The following LRRC69 variants were observed in gnomAD, a reference collection of about 807,000 sequenced individuals.
The protein encoded by LRRC69 is leucine-rich repeat-containing protein 69.
In LRRC69, 42 loss-of-function variants were observed where a neutral mutation model predicts 37.8. The ratio of observed to expected loss-of-function variants is 1.11; its 90% CI spans 0.87 to 1.44. LRRC69 has a LOEUF of 1.44. Ranked by LOEUF, LRRC69 falls within the 40% of genes most tolerant of loss-of-function variation. The pLI, the probability that LRRC69 is intolerant of heterozygous loss-of-function variation, is 0.00. For missense variants in LRRC69, 357 were observed against 401.9 expected (o/e 0.89, Z 0.96); for synonymous variants, 141 against 143.1 (o/e 0.99, Z 0.11).
At chr8:91,200,827 T>A in intron 7 of LRRC69, 35 bp downstream of exon 7, 1 of 1,468,170 alleles carries the variant, frequency 6.8e-7, no homozygotes, top group Non-Finnish European at 9.1e-7. Flanking sequence ...ATGAGCATAA[T>A]ACTGATTCCT....
intron 5 of LRRC69, 103 bp from the exon 6 acceptor site, chr8:91,189,419 A>G: frequency 1.3e-6 from 1 of 776,754 alleles, no homozygotes. Context: ...GTGGATTTTT[A>G]GTCCTAAATA....
At chr8:91,119,398 C>T (rs1190662652) in intron 1 of LRRC69, among the ~76,000 whole-genome samples, 1 of 152,012 alleles carries the variant, frequency 6.6e-6, no homozygotes, top group Non-Finnish European at 1.5e-5. Context: ...GAAGAATATT[C>T]CCAGTCGCAC....
intron 6 of LRRC69, among the ~76,000 whole-genome samples, chr8:91,198,720 C>G (rs577833314): frequency 9.9e-5 from 15 of 151,974 alleles, no homozygotes; most frequent in Non-Finnish European, 5.9e-5. Flanking sequence ...CCACTTTGGT[C>G]TATAAAAGAT....
chr8:91,167,970 G>C (rs916639197), intron 5 of LRRC69, among the ~76,000 whole-genome samples: 2 of 151,846 alleles, frequency 1.3e-5, no homozygotes, highest in Non-Finnish European at 2.9e-5. Context: ...ATTAATATAT[G>C]TATTCGATAT....
intron 5 of LRRC69, among the ~76,000 whole-genome samples, chr8:91,161,067 C>T (rs894015054): frequency 1.3e-5 from 2 of 151,216 alleles, no homozygotes; most frequent in Non-Finnish European, 3.0e-5. Flanking sequence ...GATTTCTACC[C>T]TTCATTCTGT....
chr8:91,196,970 G>GT (rs1164251209), intron 6 of LRRC69, among the ~76,000 whole-genome samples: 2 of 151,740 alleles, frequency 1.3e-5, no homozygotes, highest in Non-Finnish European at 2.9e-5. Flanking sequence ...CATCTTTGTG[G>GT]TTTTATCTAC....
At chr8:91,164,298 G>C (rs1284435017) in intron 5 of LRRC69, among the ~76,000 whole-genome samples, 4 of 151,602 alleles carry the variant, frequency 2.6e-5, no homozygotes, top group African/African-American at 9.7e-5. Context: ...TAACTTCTCT[G>C]TCAAGAAGAC....
intron 5 of LRRC69, among the ~76,000 whole-genome samples, chr8:91,152,817 G>A (rs35913126): frequency 0.052 from 7,906 of 150,780 alleles, 299 homozygotes; most frequent in Middle Eastern, 0.16. Context: ...GCAGTGGTTT[G>A]TGAGTGTACA....
At chr8:91,200,131 G>A (rs1248179101) in intron 6 of LRRC69, among the ~76,000 whole-genome samples, 2 of 152,164 alleles carry the variant, frequency 1.3e-5, no homozygotes, top group African/African-American at 4.8e-5. Flanking sequence ...TTTTGATTCA[G>A]TAGGTCTGGA....
At chr8:91,200,889 A>T (rs866064733) in intron 7 of LRRC69, 97 bp downstream of exon 7, 12 of 1,181,380 alleles carry the variant, frequency 1.0e-5, no homozygotes, top group Middle Eastern at 1.9e-4. Context: ...TGTACCTATG[A>T]TTGGCTTATA....
chr8:91,173,178 G>T (rs1158173867), intron 5 of LRRC69, among the ~76,000 whole-genome samples: 1 of 151,904 alleles, frequency 6.6e-6, no homozygotes, highest in Admixed American at 6.6e-5. Flanking sequence ...GGGTAGAGTA[G>T]GTAGTCTAGT....
At chr8:91,210,465 G>A (rs1278430373) in intron 7 of LRRC69, among the ~76,000 whole-genome samples, 1 of 151,906 alleles carries the variant, frequency 6.6e-6, no homozygotes, top group Non-Finnish European at 1.5e-5. Flanking sequence ...CTTTCCTTCT[G>A]TTGACTTGCA....
chr8:91,137,107 T>C (rs553868233), intron 5 of LRRC69, among the ~76,000 whole-genome samples: 2 of 152,202 alleles, frequency 1.3e-5, no homozygotes, highest in African/African-American at 4.8e-5. Flanking sequence ...ATTCTATGTT[T>C]AATTTTTTAA....
intron 6 of LRRC69, among the ~76,000 whole-genome samples, chr8:91,198,779 A>G (rs1439931033): frequency 1.3e-5 from 2 of 152,066 alleles, no homozygotes; most frequent in East Asian, 1.9e-4. Context: ...TAAATTGTAT[A>G]CTCTCAAAAA....
chr8:91,195,929 C>A (rs1809590992), intron 6 of LRRC69, among the ~76,000 whole-genome samples: 1 of 152,218 alleles, frequency 6.6e-6, no homozygotes, highest in Non-Finnish European at 1.5e-5. Flanking sequence ...GATGCAGTTT[C>A]TTCCTAGTCC....
In LRRC69 at chr8:91,113,342, A is replaced by T. The variant is rs542841974; in HGVS notation, c.183+10498A>T. ...ATTACAAAGCCACAGTAATCAAAAC[A>T]GTGTGTCTTAGGCATAAAAACAGAC... On this transcript the variant is annotated intron_variant, in intron 1 of 7. Coordinates refer to ENST00000448384, the Ensembl canonical transcript of LRRC69. Among the ~76,000 whole-genome samples the T allele has an allele frequency of 1.6e-3, 247 of 152,190 alleles. 2 individuals carry two copies. The highest frequency in any genetic ancestry group is 5.8e-3 in the African/African-American group (242 of 41,584).
At chr8:91,159,061 A>T (rs776678001) in intron 5 of LRRC69, among the ~76,000 whole-genome samples, 12 of 151,188 alleles carry the variant, frequency 7.9e-5, no homozygotes, top group Non-Finnish European at 1.5e-4. Flanking sequence ...CTATGACCAG[A>T]TATTCTCCTG....
chr8:91,107,692 A>G (rs909517332), intron 1 of LRRC69, among the ~76,000 whole-genome samples: 4 of 152,066 alleles, frequency 2.6e-5, no homozygotes, highest in African/African-American at 9.6e-5. Flanking sequence ...TAAAGAACCT[A>G]CTTTAGATCC....
chr8:91,148,962 CTT>C (rs1379051557), intron 5 of LRRC69, among the ~76,000 whole-genome samples: 1 of 151,532 alleles, frequency 6.6e-6, no homozygotes, highest in Non-Finnish European at 1.5e-5. Flanking sequence ...TGTTTGAGTT[CTT>C]TGTAGATTCT....
Sources: allele counts gnomAD v4.1 joint callset (sites outside exome capture counted in the v4.1 genomes callset), GRCh38; gene constraint gnomAD v4.1.1; transcripts MANE v1.5; gene names NCBI Gene and HGNC (gene_info 2026-07-23, HGNC 2026-07-21).